The following PECR variants were observed in gnomAD, a reference collection of about 807,000 sequenced individuals.
The protein encoded by PECR is peroxisomal trans-2-enoyl-CoA reductase.
PECR carries 30 observed loss-of-function variants against 35.3 expected under a neutral mutation model. That is an observed-to-expected ratio of 0.85 (90% CI 0.64 to 1.15). PECR has a LOEUF of 1.15. Ranked by LOEUF, PECR falls within the 50% of genes most tolerant of loss-of-function variation. The pLI is 0.00. For synonymous variants in PECR, 148 were observed against 138.9 expected (o/e 1.07, Z -0.46); for missense variants, 392 against 370.8 (o/e 1.06, Z -0.47).
chr2:216,039,023 G>T lies in PECR; in HGVS notation c.*252C>A. ...TTCCATTTTTCAAATACTTTTCTTA[G>T]AAATAAAAAGTAAAGTCATTAAAAT... On this transcript the variant is annotated 3_prime_UTR_variant, in exon 8 of 8. Coordinates refer to ENST00000265322, the MANE Select transcript of PECR (RefSeq NM_018441.6). 6.1e-6 allele frequency: 2 copies of T among 328,434 alleles called. No homozygotes were observed. Among genetic ancestry groups the T allele is most frequent in the Non-Finnish European group, 1.1e-5 (2 of 174,212 alleles). 20.3% of individuals were successfully genotyped at this position (328,434 alleles called of 1,614,324 possible).
intron 7 of PECR, among the ~76,000 whole-genome samples, chr2:216,031,679 GAAAGAAAGAA>G (rs1230445657): frequency 1.6e-3 from 84 of 51,090 alleles, no homozygotes; most frequent in South Asian, 0.014. Flanking sequence ...AAGAAAGAAA[GAAAGAAAGAA>G]AGAGAAAGAA....
chr2:216,048,778 GCCTGC>G lies in PECR; in HGVS notation c.714+480_714+484del, dbSNP rs774743531. ...TTGGGAGGCCAAGGTGGGAGTTCAA[GCCTGC>G]AGTGAGCTATGATCGTGACACTATA... On this transcript the variant is annotated intron_variant, in intron 6 of 7. Coordinates refer to ENST00000265322, the MANE Select transcript of PECR (RefSeq NM_018441.6). Among the ~76,000 whole-genome samples, 5 of 141,128 alleles carry G rather than the reference GCCTGC, an allele frequency of 3.5e-5. No homozygotes were observed. The East Asian group carries it at 1.1e-3, about 31-fold the overall frequency. 92.6% of individuals were successfully genotyped at this position (141,128 alleles called of 152,430 possible).
downstream of PECR, among the ~76,000 whole-genome samples, chr2:216,034,284 C>T (rs1321419956): frequency 2.0e-5 from 3 of 152,314 alleles, no homozygotes; most frequent in East Asian, 5.8e-4. Context: ...CCCCTTAGAC[C>T]TCCTGCTACA....
At chr2:216,059,446 T>C (rs1695292108) in intron 3 of PECR, among the ~76,000 whole-genome samples, 1 of 152,228 alleles carries the variant, frequency 6.6e-6, no homozygotes, top group Admixed American at 6.5e-5. Context: ...GATTGCCGAG[T>C]AGTATTCCAT....
downstream of PECR, among the ~76,000 whole-genome samples, chr2:216,036,741 CCCTGCCCTTAT>C (rs1309456648): frequency 6.6e-6 from 1 of 152,188 alleles, no homozygotes; most frequent in African/African-American, 2.4e-5. Flanking sequence ...TTCTCTGGCT[CCCTGCCCTTAT>C]CCTTCATGGG....
downstream of PECR, among the ~76,000 whole-genome samples, chr2:216,037,524 C>A (rs1694814881): frequency 6.6e-6 from 1 of 152,172 alleles, no homozygotes; most frequent in African/African-American, 2.4e-5. Flanking sequence ...TTCCAGAAGG[C>A]CACTGTTAAA....
intron 7 of PECR, 30 bp downstream of exon 7, chr2:216,043,874 C>A (rs759230810): frequency 3.5e-6 from 4 of 1,133,354 alleles, no homozygotes; most frequent in Non-Finnish European, 5.4e-6. Context: ...CAGCATAAAG[C>A]TGGTGACTGC....
downstream of PECR, among the ~76,000 whole-genome samples, chr2:216,037,789 G>A (rs1166149848): frequency 1.3e-5 from 2 of 151,988 alleles, no homozygotes; most frequent in Non-Finnish European, 2.9e-5. Flanking sequence ...ACTTTAAAAT[G>A]AGGGTAAATG....
At chr2:216,046,310 A>ATTTTTT (rs869225237) in intron 6 of PECR, among the ~76,000 whole-genome samples, 20 of 96,954 alleles carry the variant, frequency 2.1e-4, no homozygotes, top group African/African-American at 5.1e-4. Context: ...ATATATATAT[A>ATTTTTT]TTTTTTTTTT....
chr2:216,080,094 T>C (rs1424839553), intron 1 of PECR, among the ~76,000 whole-genome samples: 1 of 151,846 alleles, frequency 6.6e-6, no homozygotes, highest in Non-Finnish European at 1.5e-5. Flanking sequence ...TATTTATTTA[T>C]TTATTGAGAT....
chr2:216,040,132 C>G (rs1354632110), intron 7 of PECR, among the ~76,000 whole-genome samples: 1 of 151,956 alleles, frequency 6.6e-6, no homozygotes, highest in Non-Finnish European at 1.5e-5. Flanking sequence ...AAAAACTTGT[C>G]CTTGATGAGA....
At chr2:216,056,349 C>G (rs1695224874) in intron 4 of PECR, among the ~76,000 whole-genome samples, 1 of 152,000 alleles carries the variant, frequency 6.6e-6, no homozygotes, top group Non-Finnish European at 1.5e-5. Flanking sequence ...CAACACAATG[C>G]TAATAGTGAA....
intron 5 of PECR, among the ~76,000 whole-genome samples, chr2:216,050,611 T>G (rs1255566994): frequency 6.6e-6 from 1 of 152,002 alleles, no homozygotes; most frequent in Non-Finnish European, 1.5e-5. Flanking sequence ...AGAGATAAGA[T>G]CTATAGATAG....
rs113354985 is a variant in PECR, at chr2:216,081,800, C to A, written c.-59G>T. On this transcript the variant is annotated 5_prime_UTR_variant, in exon 1 of 8. Coordinates refer to ENST00000265322, the MANE Select transcript of PECR (RefSeq NM_018441.6). ...GGCCCTTCTGGGTCTCAGGGACATT[C>A]GAGGCGGGCGGGCGGACAGGGCGGT... 6.3e-7 allele frequency: 1 copy of A among 1,589,112 alleles called. No homozygotes were observed. Among genetic ancestry groups the A allele is most frequent in the Non-Finnish European group, 8.5e-7 (1 of 1,171,348 alleles).
intron 6 of PECR, among the ~76,000 whole-genome samples, chr2:216,048,384 T>TAA (rs71047969): frequency 3.8e-5 from 5 of 132,884 alleles, no homozygotes; most frequent in Non-Finnish European, 3.2e-5. Context: ...CTTGTTTTCT[T>TAA]AAAAAAAAAA....
chr2:216,060,441 C>G (rs1438707776), intron 3 of PECR, among the ~76,000 whole-genome samples: 1 of 152,106 alleles, frequency 6.6e-6, no homozygotes, highest in African/African-American at 2.4e-5. Context: ...GTGAGAGGAT[C>G]ACTTAAGGCC....
intron 1 of PECR, among the ~76,000 whole-genome samples, chr2:216,074,631 T>A (rs1336346776): frequency 6.6e-6 from 1 of 152,068 alleles, no homozygotes; most frequent in Non-Finnish European, 1.5e-5. Context: ...GAGTAAAAAA[T>A]ATGTTGAGAA....
chr2:216,077,985 T>C (rs918681766), intron 1 of PECR, among the ~76,000 whole-genome samples: 6 of 148,248 alleles, frequency 4.0e-5, no homozygotes, highest in African/African-American at 1.5e-4. Flanking sequence ...TCTGGCATAG[T>C]ATGAAGTAAA....
Position 216,031,016 on chromosome 2 carries a change from C to G in PECR, c.*440+8175G>C, listed in dbSNP as rs138300062. On this transcript the variant is annotated intron_variant and NMD_transcript_variant, in intron 7 of 7. Transcript: ENST00000442122. ...CACACTCTGTCCCTGCTCTCTCTCT[C>G]TCATTTGCTTGCTCATCAAAACATC... Among the ~76,000 whole-genome samples, 3 of 152,046 alleles carry G rather than the reference C, an allele frequency of 2.0e-5. No homozygotes were observed. The East Asian group carries it at 5.8e-4, about 29-fold the overall frequency.
Sources: allele counts gnomAD v4.1 joint callset (sites outside exome capture counted in the v4.1 genomes callset), GRCh38; gene constraint gnomAD v4.1.1; transcripts MANE v1.5; gene names NCBI Gene and HGNC (gene_info 2026-07-23, HGNC 2026-07-21).